The following KIF9 variants were observed in gnomAD, a reference collection of about 807,000 sequenced individuals.
KIF9 encodes kinesin family member 9, also known as kinesin-like protein KIF9.
Under a neutral mutation model 94.8 loss-of-function variants are expected in KIF9, and 68 were observed. The ratio of observed to expected loss-of-function variants is 0.72; its 90% CI spans 0.59 to 0.88. The LOEUF (loss-of-function observed/expected upper bound fraction) is 0.88, where lower values mean the gene tolerates loss of function less well. Among genes scored for constraint, KIF9 ranks in the 40% least tolerant of loss-of-function variants. The probability of loss-of-function intolerance (pLI) is 0.00; values close to 1 mark genes in which losing one functional copy is unlikely to be tolerated. For synonymous variants in KIF9, 343 were observed against 362.1 expected, an observed-to-expected ratio of 0.95 and a Z score of 0.60; for missense variants, 882 against 982.5, an observed-to-expected ratio of 0.90 and a Z score of 1.37.
intron 14 of KIF9, 185 bp downstream of exon 14, chr3:47,245,236 T>C: frequency 4.8e-6 from 3 of 625,044 alleles, no homozygotes; most frequent in Middle Eastern, 3.8e-4. Flanking sequence ...CTCTACCTTA[T>C]GGAAATTATT....
chr3:47,275,164 C>T, intron 3 of KIF9, 161 bp downstream of exon 3: 1 of 615,530 alleles, frequency 1.6e-6, no homozygotes, highest in Non-Finnish European at 2.8e-6. Context: ...GCCATGCCCA[C>T]AATGTCAACA....
At chr3:47,261,043 G>C (rs1700939286) in intron 9 of KIF9, among the ~76,000 whole-genome samples, 1 of 152,196 alleles carries the variant, frequency 6.6e-6, no homozygotes, top group South Asian at 2.1e-4. Context: ...GGTAAGGCCA[G>C]CAAGTGGTAG....
chr3:47,249,856 G>C (rs1373466460), intron 10 of KIF9, among the ~76,000 whole-genome samples: 1 of 152,170 alleles, frequency 6.6e-6, no homozygotes, highest in Non-Finnish European at 1.5e-5. Context: ...TCAGGAGTTC[G>C]AGACCACCCT....
rs1266812670 is a variant in KIF9, at chr3:47,273,722, C to T, written c.260-64G>A. Reference sequence around the variant, plus strand: ...AGCTCCAAGGATAACTCTCCCCTCTCCCAGCATGCCTGGTGCCAGCCAGGG... The same window carrying T: ...AGCTCCAAGGATAACTCTCCCCTCTTCCAGCATGCCTGGTGCCAGCCAGGG... On this transcript the variant is annotated intron_variant, in intron 3 of 20. Coordinates refer to ENST00000684063, the MANE Select transcript of KIF9 (RefSeq NM_182902.4). 5 of 1,410,212 alleles carry T rather than the reference C, an allele frequency of 3.5e-6. No homozygotes were observed. In the African/African-American group the frequency reaches 5.7e-5, roughly 16 times the overall value. 87.4% of individuals were successfully genotyped at this position (1,410,212 alleles called of 1,614,324 possible).
intron 10 of KIF9, among the ~76,000 whole-genome samples, chr3:47,253,004 G>C (rs1461773580): frequency 1.3e-5 from 2 of 151,694 alleles, no homozygotes; most frequent in African/African-American, 4.8e-5. Flanking sequence ...CTGGGCGACA[G>C]AGCTAGACTC....
intron 8 of KIF9, 143 bp from the exon 9 acceptor site, chr3:47,264,493 G>C: frequency 1.6e-6 from 1 of 637,888 alleles, no homozygotes; most frequent in Admixed American, 2.2e-5. Context: ...CTGTAGTGCA[G>C]TGACACAATC....
intron 16 of KIF9, among the ~76,000 whole-genome samples, chr3:47,241,621 C>A: frequency 6.7e-6 from 1 of 149,454 alleles, no homozygotes; most frequent in Non-Finnish European, 1.5e-5. Flanking sequence ...TGTGCCTGGC[C>A]CTGGATTTCA....
In KIF9 at chr3:47,275,282, C is replaced by T. The variant is rs767954673; in HGVS notation, c.259+43G>A. 3 of 1,408,672 alleles carry T rather than the reference C, an allele frequency of 2.1e-6. No homozygotes were observed. The African/African-American group carries it at 4.3e-5, about 20-fold the overall frequency. 87.3% of individuals were successfully genotyped at this position (1,408,672 alleles called of 1,614,324 possible). On this transcript the variant is annotated intron_variant, in intron 3 of 20. Coordinates refer to ENST00000684063, the MANE Select transcript of KIF9 (RefSeq NM_182902.4). The stretch of plus-strand genomic sequence containing the variant: ...CCATAAAATATTTGCATCTCTTACT[C>T]CTCAGGTTCTTACATAAGACAACAT...
chr3:47,247,995 C>T lies in KIF9; in HGVS notation c.1128+23G>A, dbSNP rs773728368. On this transcript the variant is annotated intron_variant, in intron 11 of 20. Coordinates refer to ENST00000684063, the MANE Select transcript of KIF9 (RefSeq NM_182902.4). The stretch of plus-strand genomic sequence containing the variant: ...CCCCTACCCCAGCACCTCTGCCCTC[C>T]TTCTTTGCCTCTAGCCTCTTACCAG... The T allele has an allele frequency of 3.8e-6, 6 of 1,597,472 alleles. No homozygotes were observed. The South Asian group carries it at 6.6e-5, about 18-fold the overall frequency.
At chr3:47,257,345 G>A in intron 10 of KIF9, 138 bp downstream of exon 10, 4 of 750,098 alleles carry the variant, frequency 5.3e-6, no homozygotes, top group South Asian at 4.8e-5. Flanking sequence ...GGCCAGTCCA[G>A]GAGTGGAAAA....
chr3:47,238,146 A>T (rs761738139), intron 17 of KIF9, among the ~76,000 whole-genome samples: 5 of 152,050 alleles, frequency 3.3e-5, no homozygotes, highest in Admixed American at 1.3e-4. Flanking sequence ...TTCTTTTACA[A>T]GAGACTAATG....
At chr3:47,235,425 C>T in intron 20 of KIF9, 88 bp downstream of exon 20, 1 of 921,332 alleles carries the variant, frequency 1.1e-6, no homozygotes, top group Non-Finnish European at 1.8e-6. Flanking sequence ...GCCATTCCTC[C>T]CCTACCTCTC....
In KIF9 at chr3:47,276,555, CAAAAA is replaced by C. The variant is rs752825599; in HGVS notation, c.93+722_93+726del. Among the ~76,000 whole-genome samples the C allele has an allele frequency of 1.3e-3, 77 of 58,718 alleles. No individual in the cohort carries two copies. In the South Asian group the frequency reaches 0.026, roughly 20 times the overall value. The allele number at this position is 58,718 out of a possible 152,430, so 38.5% of individuals were successfully genotyped here. A position where few individuals can be genotyped will look rare whatever the true frequency, so the allele number is the denominator to read the frequency against. ...TGGGCAACAGAGTGGGACTCTGTCTCAAAAAAAAAAAAAAAAAAAGAAAAGAAAGA... is the reference window on the plus strand; with the variant it reads ...TGGGCAACAGAGTGGGACTCTGTCTCAAAAAAAAAAAAAAGAAAAGAAAGA... On this transcript the variant is annotated intron_variant, in intron 2 of 20. Transcript: ENST00000684063.
chr3:47,273,575 T>C lies in KIF9; in HGVS notation c.343A>G (p.Ile115Val). 1 of 1,610,526 alleles carries C rather than the reference T, an allele frequency of 6.2e-7. No individual in the cohort carries two copies. Among genetic ancestry groups the C allele is most frequent in the Non-Finnish European group, 8.5e-7 (1 of 1,178,080 alleles). ...ACCTGCTGCAGGGCACGAGGGAGGA[T>C]CCCCCGGTGCTTGTAATTCTCAGTT... is the stretch of plus-strand genomic sequence containing the variant. Reference protein sequence around the residue: ...GATENYKHRGILPRALQQVFR... With the variant: ...GATENYKHRGVLPRALQQVFR... The change falls in exon 4 of 21, where the codon ATC becomes GTC. Residue 115 changes from isoleucine (I) to valine (V), a missense_variant. Physicochemically the swap from Ile to Val is conservative, Grantham distance 29 (BLOSUM62 3). Transcript: ENST00000684063.
chr3:47,240,180 G>C (rs1051738355), intron 17 of KIF9: 1 of 270,454 alleles, frequency 3.7e-6, no homozygotes, highest in South Asian at 4.0e-5. Flanking sequence ...AAGGACACTG[G>C]GTCAGAGTAA....
chr3:47,274,239 G>A (rs993370638), intron 3 of KIF9, among the ~76,000 whole-genome samples: 4 of 152,176 alleles, frequency 2.6e-5, no homozygotes, highest in Admixed American at 2.6e-4. Context: ...GTACCACCAT[G>A]ATCAGGCCCT....
At chr3:47,253,710 T>G (rs1169085764) in intron 10 of KIF9, among the ~76,000 whole-genome samples, 1 of 152,230 alleles carries the variant, frequency 6.6e-6, no homozygotes, top group African/African-American at 2.4e-5. Flanking sequence ...ATCTAGTCTT[T>G]TTCTCACTTG....
intron 5 of KIF9, 148 bp from the exon 6 acceptor site, chr3:47,267,411 T>C (rs1701357107): frequency 1.1e-5 from 7 of 659,320 alleles, no homozygotes; most frequent in Middle Eastern, 8.4e-4. Flanking sequence ...TTTTATAAAC[T>C]AATAGAAAGG....
intron 1 of KIF9, among the ~76,000 whole-genome samples, chr3:47,279,646 T>C (rs966712308): frequency 1.3e-5 from 2 of 151,738 alleles, no homozygotes; most frequent in Non-Finnish European, 2.9e-5. Flanking sequence ...AGGCAGAGTC[T>C]CGCTCTATCA....
Sources: gnomAD v4.1 joint callset for allele counts (sites outside exome capture counted in the v4.1 genomes callset) on GRCh38, gnomAD v4.1.1 for gene constraint, MANE v1.5 for transcripts, NCBI Gene and HGNC (gene_info 2026-07-23, HGNC 2026-07-21) for gene names.